TMEM217: variants seen among roughly 807,000 people sequenced by gnomAD.
The protein encoded by TMEM217 is chromosome 6 open reading frame 128.
For synonymous variants in TMEM217, 76 were observed against 88.3 expected, an observed-to-expected ratio of 0.86 and a Z score of 0.78; for missense variants, 204 against 248.8, an observed-to-expected ratio of 0.82 and a Z score of 1.21.
chr6:37,215,256 A>C, downstream of TMEM217: 2 of 1,614,058 alleles, frequency 1.2e-6, no homozygotes, highest in African/African-American at 1.3e-5. Flanking sequence ...CACTGGAGAC[A>C]GACAGGTAAA....
chr6:37,234,038 C>A (rs545492419), intron 1 of TMEM217, among the ~76,000 whole-genome samples: 50 of 151,138 alleles, frequency 3.3e-4, no homozygotes, highest in African/African-American at 1.2e-3. Context: ...TGTAAGTGTT[C>A]TTAGCACATT....
intron 1 of TMEM217, among the ~76,000 whole-genome samples, chr6:37,224,514 C>T (rs1195409844): frequency 1.1e-4 from 16 of 151,904 alleles, no homozygotes; most frequent in African/African-American, 3.1e-4. Context: ...AGGAGAATGG[C>T]GTGAACCCAG....
downstream of TMEM217, chr6:37,212,874 A>G (rs1268431197): frequency 4.7e-5 from 69 of 1,481,096 alleles, no homozygotes; most frequent in Non-Finnish European, 6.1e-5. Flanking sequence ...CCTCATAGCA[A>G]ATGTGTGTCT....
chr6:37,212,763 G>T (rs778714809), downstream of TMEM217: 5 of 697,116 alleles, frequency 7.2e-6, no homozygotes, highest in South Asian at 4.5e-5. Context: ...AGCAGCCGAT[G>T]ATGATGGTGG....
intron 1 of TMEM217, among the ~76,000 whole-genome samples, chr6:37,252,633 ATATATTTTTT>A (rs1562027927): frequency 0.014 from 1,061 of 75,056 alleles, 7 homozygotes; most frequent in African/African-American, 0.049. Context: ...ATATATATAT[ATATATTTTTT>A]TTTTTTTTTT....
At chr6:37,219,732 CA>C (rs112197817) in intron 1 of TMEM217, among the ~76,000 whole-genome samples, 90 of 145,138 alleles carry the variant, frequency 6.2e-4, no homozygotes, top group Middle Eastern at 3.5e-3. Context: ...ACCCTATATC[CA>C]AAAAAAAAAA....
intron 1 of TMEM217, among the ~76,000 whole-genome samples, chr6:37,243,267 A>C (rs1330288945): frequency 3.3e-5 from 5 of 152,176 alleles, no homozygotes; most frequent in African/African-American, 4.8e-5. Flanking sequence ...TTTAGTTATA[A>C]ATTCGGTTGG....
chr6:37,215,997 GTGT>G (rs1763182318), downstream of TMEM217, among the ~76,000 whole-genome samples: 1 of 15,280 alleles, frequency 6.5e-5, no homozygotes, highest in Non-Finnish European at 1.2e-4. Context: ...TCTTCAGGGT[GTGT>G]GTGTGTGTGT....
chr6:37,212,330 C>T (rs764029413), exon 4 of TMEM217: 28 of 357,042 alleles, frequency 7.8e-5, no homozygotes, highest in South Asian at 5.4e-4. Flanking sequence ...AACCAAGCAG[C>T]ATCAACAGAA....
At chr6:37,220,004 G>A (rs1285260551) in intron 1 of TMEM217, among the ~76,000 whole-genome samples, 2 of 152,128 alleles carry the variant, frequency 1.3e-5, no homozygotes, top group African/African-American at 4.8e-5. Flanking sequence ...GGATAGACTA[G>A]CCTTATAATA....
chr6:37,227,129 ACTT>A lies in TMEM217; in HGVS notation c.-11-8091_-11-8089del, dbSNP rs1378502853. Among the ~76,000 whole-genome samples, 30 of 152,250 alleles carry A rather than the reference ACTT, an allele frequency of 2.0e-4. No individual in the cohort carries two copies. The South Asian group carries it at 6.2e-3, about 32-fold the overall frequency. On this transcript the variant is annotated intron_variant, in intron 1 of 1. Transcript: ENST00000357219. ...ACTCACTTGTCTTCATACTCAACCTACTTGTGTCTTGTGGGTTTCAGGGATTTT... is the reference window on the plus strand; with the variant it reads ...ACTCACTTGTCTTCATACTCAACCTAGTGTCTTGTGGGTTTCAGGGATTTT...
intron 1 of TMEM217, among the ~76,000 whole-genome samples, chr6:37,241,616 A>G (rs1397239342): frequency 2.6e-5 from 4 of 152,202 alleles, no homozygotes. Flanking sequence ...CAGGTTCTAC[A>G]TCTGGATTCT....
At chr6:37,244,479 T>C (rs1016095521) in intron 1 of TMEM217, among the ~76,000 whole-genome samples, 11 of 152,262 alleles carry the variant, frequency 7.2e-5, no homozygotes, top group African/African-American at 2.7e-4. Flanking sequence ...CCTTGGCCTA[T>C]AAACATGTTG....
chr6:37,242,377 C>G (rs1294740985), intron 1 of TMEM217, among the ~76,000 whole-genome samples: 1 of 152,230 alleles, frequency 6.6e-6, no homozygotes, highest in Non-Finnish European at 1.5e-5. Flanking sequence ...TATTCACCCT[C>G]AACTTTTCAA....
downstream of TMEM217, among the ~76,000 whole-genome samples, chr6:37,215,513 G>A (rs1331728042): frequency 7.3e-6 from 1 of 136,628 alleles, no homozygotes; most frequent in Admixed American, 7.8e-5. Context: ...AGAGGTTGCA[G>A]TGAGCTGATA....
exon 2 of TMEM217, chr6:37,218,075 G>A: frequency 9.9e-7 from 1 of 1,008,994 alleles, no homozygotes; most frequent in Non-Finnish European, 1.2e-6. Flanking sequence ...GGGAAAAAAG[G>A]AAATAGAACT....
chr6:37,251,431 A>G (rs1475314978), intron 1 of TMEM217, among the ~76,000 whole-genome samples: 1 of 145,074 alleles, frequency 6.9e-6, no homozygotes, highest in Non-Finnish European at 1.5e-5. Flanking sequence ...TGAATGAGCA[A>G]TGCTCAAAAT....
intron 1 of TMEM217, among the ~76,000 whole-genome samples, chr6:37,243,839 A>C (rs529334916): frequency 6.6e-6 from 1 of 152,260 alleles, no homozygotes; most frequent in African/African-American, 2.4e-5. Flanking sequence ...ATGCCATCAT[A>C]AGGATGTGGA....
chr6:37,253,585 C>T lies in TMEM217; in HGVS notation c.-12+3983G>A, dbSNP rs114883395. ...GCTGTTAAATCCCAGCTTGACCTCA[C>T]TATCTCTTAGGTGGCCCAACATTGC... On this transcript the variant is annotated intron_variant, in intron 1 of 1. Transcript: ENST00000357219. Among the ~76,000 whole-genome samples the T allele has an allele frequency of 4.9e-3, 749 of 152,332 alleles. 9 individuals are homozygous for T. Among genetic ancestry groups the T allele is most frequent in the African/African-American group, 0.017 (716 of 41,568 alleles).
Sources: allele counts gnomAD v4.1 joint callset (sites outside exome capture counted in the v4.1 genomes callset), GRCh38; gene constraint gnomAD v4.1.1; transcripts MANE v1.5; gene names NCBI Gene and HGNC (gene_info 2026-07-23, HGNC 2026-07-21).